Variants in USP47 observed in about 807,000 individuals in gnomAD.
USP47 encodes the protein ubiquitin carboxyl-terminal hydrolase 47.
In USP47, 35 loss-of-function variants were observed where a neutral mutation model predicts 165.1. The ratio of observed to expected loss-of-function variants is 0.21; its 90% CI spans 0.16 to 0.28. The LOEUF (loss-of-function observed/expected upper bound fraction) is 0.28, where lower values mean the gene tolerates loss of function less well. Ranked by LOEUF, USP47 falls within the 10% of genes least tolerant of loss-of-function variation. The probability of loss-of-function intolerance (pLI) is 1.00; values close to 1 mark genes in which losing one functional copy is unlikely to be tolerated. For synonymous variants in USP47, 531 were observed against 544.5 expected (o/e 0.98, Z 0.35); for missense variants, 1,277 against 1,607.4 (o/e 0.79, Z 3.52).
intron 18 of USP47, among the ~76,000 whole-genome samples, chr11:11,939,616 T>C (rs1444881029): frequency 6.6e-6 from 1 of 152,002 alleles, no homozygotes; most frequent in African/African-American, 2.4e-5. Flanking sequence ...TACTGTATAT[T>C]ACATTTTTAA....
chr11:11,865,996 G>A (rs1464589622), intron 1 of USP47, among the ~76,000 whole-genome samples: 2 of 152,032 alleles, frequency 1.3e-5, no homozygotes, highest in African/African-American at 4.8e-5. Flanking sequence ...GCCCTTTGAT[G>A]TACAAAAGTT....
intron 11 of USP47, among the ~76,000 whole-genome samples, chr11:11,926,672 A>G (rs1227889092): frequency 6.7e-6 from 1 of 149,456 alleles, no homozygotes. Context: ...TCTAATCTTT[A>G]TTTCCTTCCT....
At chr11:11,906,661 T>C (rs569241690) in intron 8 of USP47, among the ~76,000 whole-genome samples, 1 of 152,320 alleles carries the variant, frequency 6.6e-6, no homozygotes, top group South Asian at 2.1e-4. Context: ...TTCCTGAGTA[T>C]ATTTGAAAAG....
At chr11:11,861,303 C>G (rs1489353747) in intron 1 of USP47, among the ~76,000 whole-genome samples, 1 of 152,048 alleles carries the variant, frequency 6.6e-6, no homozygotes, top group Non-Finnish European at 1.5e-5. Context: ...ACCATGTTGG[C>G]TAGGGTGGTC....
chr11:11,953,227 G>A (rs553168178), intron 25 of USP47, among the ~76,000 whole-genome samples: 29 of 152,282 alleles, frequency 1.9e-4, no homozygotes, highest in Admixed American at 7.2e-4. Context: ...AAGTCGAATT[G>A]TGTAGAGAAT....
intron 3 of USP47, among the ~76,000 whole-genome samples, chr11:11,888,186 T>C (rs996795459): frequency 6.6e-6 from 1 of 151,732 alleles, no homozygotes; most frequent in African/African-American, 2.4e-5. Context: ...ACCCCAAAGC[T>C]AGCAGAAGAC....
chr11:11,920,403 A>G lies in USP47; in HGVS notation c.1127A>G (p.Asp376Gly). 6.2e-7 allele frequency: 1 copy of G among 1,611,684 alleles called. No homozygotes were observed. Among genetic ancestry groups the G allele is most frequent in the Non-Finnish European group, 8.5e-7 (1 of 1,178,546 alleles). ...LTLQLKRFDFDYTTMHRIKLN... is the reference protein window; with the variant it reads ...LTLQLKRFDFGYTTMHRIKLN... ...TTACAGCTGAAAAGATTCGATTTTG[A>G]TTATACAACCATGCATAGGATTAAA... Residue 376 changes from aspartate to glycine, a missense_variant, in exon 10 of 28, where the codon GAT becomes GGT. This residue lies in a region of USP47 where 175 missense variants were observed against 295.8 expected (regional missense o/e 0.59). Coordinates refer to ENST00000527733, the MANE Select transcript of USP47 (RefSeq NM_001282659.2).
chr11:11,882,113 T>C (rs1333920097), intron 2 of USP47, among the ~76,000 whole-genome samples: 4 of 152,210 alleles, frequency 2.6e-5, no homozygotes, highest in Non-Finnish European at 5.9e-5. Flanking sequence ...GTAGCACTTA[T>C]GTCACCTTCT....
chr11:11,884,626 C>A, intron 3 of USP47, 46 bp downstream of exon 3: 1 of 1,285,050 alleles, frequency 7.8e-7, no homozygotes, highest in Non-Finnish European at 1.1e-6. Context: ...TGTGCACTGT[C>A]ACCTACTACT....
intron 16 of USP47, among the ~76,000 whole-genome samples, chr11:11,934,833 T>A (rs1464955338): frequency 6.6e-6 from 1 of 152,066 alleles, no homozygotes; most frequent in Non-Finnish European, 1.5e-5. Context: ...TTTTCCCCTT[T>A]CCATATAAGC....
At chr11:11,894,923 G>A (rs1016808473) in intron 4 of USP47, among the ~76,000 whole-genome samples, 2 of 151,918 alleles carry the variant, frequency 1.3e-5, no homozygotes, top group African/African-American at 4.8e-5. Context: ...CTCTATATGT[G>A]TACTTTTCAG....
At chr11:11,853,488 A>T (rs149513919) in intron 1 of USP47, among the ~76,000 whole-genome samples, 1 of 152,248 alleles carries the variant, frequency 6.6e-6, no homozygotes, top group African/African-American at 2.4e-5. Context: ...GATCTTTCAC[A>T]TCGACGTTCT....
At chr11:11,865,377 A>G (rs1191192954) in intron 1 of USP47, among the ~76,000 whole-genome samples, 1 of 151,810 alleles carries the variant, frequency 6.6e-6, no homozygotes, top group Non-Finnish European at 1.5e-5. Flanking sequence ...AAACTGGGTA[A>G]TTTCCATTGT....
chr11:11,931,140 A>G (rs1854636458), intron 14 of USP47, among the ~76,000 whole-genome samples: 1 of 152,166 alleles, frequency 6.6e-6, no homozygotes, highest in Admixed American at 6.6e-5. Context: ...GTGTACAGAT[A>G]CATATACAGG....
chr11:11,936,654 T>G (rs1855095523), intron 17 of USP47, 144 bp downstream of exon 17: 1 of 616,254 alleles, frequency 1.6e-6, no homozygotes, highest in African/African-American at 1.9e-5. Flanking sequence ...TGAGAAGTAC[T>G]CAGCAACAGC....
intron 17 of USP47, 98 bp downstream of exon 17, chr11:11,936,608 T>C (rs2134733475): frequency 3.0e-6 from 3 of 1,001,548 alleles, no homozygotes; most frequent in African/African-American, 1.6e-5. Flanking sequence ...TTAAATTTTG[T>C]ATATGGTCTT....
At position 11,880,189 on chromosome 11, in the gene USP47, G is replaced by A; in HGVS notation, c.52G>A (p.Ala18Thr). ...CTTAAAATTTCAGATAGAAAATGCTGCTGAAGAACCTAGAGTCTTATGTAT... is the reference window on the plus strand; with the variant it reads ...CTTAAAATTTCAGATAGAAAATGCTACTGAAGAACCTAGAGTCTTATGTAT... ...QLVPKEIENA[A>T]EEPRVLCIIQ... Residue 18 changes from alanine to threonine, a missense_variant, in exon 2 of 28, where the codon GCT (alanine) becomes ACT (threonine). Ala to Thr is a moderately conservative substitution (Grantham distance 58). This residue lies in a region of USP47 where 181 missense variants were observed against 194.7 expected (regional missense o/e 0.93). Coordinates refer to ENST00000527733, the MANE Select transcript of USP47 (RefSeq NM_001282659.2). The A allele has an allele frequency of 6.8e-7, 1 of 1,474,332 alleles. No individual in the cohort carries two copies. The highest frequency in any genetic ancestry group is 8.9e-7 in the Non-Finnish European group (1 of 1,123,362). 91.3% of individuals were successfully genotyped at this position (1,474,332 alleles called of 1,614,324 possible).
At chr11:11,941,760 A>ATCAGTCAATATCTAG (rs1283886420) in intron 19 of USP47, among the ~76,000 whole-genome samples, 2 of 152,106 alleles carry the variant, frequency 1.3e-5, no homozygotes, top group African/African-American at 4.8e-5. Flanking sequence ...ATACCTTAAT[A>ATCAGTCAATATCTAG]TCAGTCAATA....
chr11:11,911,782 A>G (rs1484063292), intron 8 of USP47, among the ~76,000 whole-genome samples: 1 of 152,148 alleles, frequency 6.6e-6, no homozygotes, highest in Non-Finnish European at 1.5e-5. Flanking sequence ...AAAGTGCTTC[A>G]CCCAACAGCA....
Sources: gnomAD v4.1 joint callset for allele counts (sites outside exome capture counted in the v4.1 genomes callset) on GRCh38, gnomAD v4.1.1 for gene constraint, gnomAD v4.1.1 regional missense constraint, MANE v1.5 for transcripts, NCBI Gene and HGNC (gene_info 2026-07-23, HGNC 2026-07-21) for gene names.